Variants in ARHGAP10 observed in about 807,000 individuals in gnomAD.
ARHGAP10 encodes the protein rho GTPase-activating protein 10.
Under a neutral mutation model 108.6 loss-of-function variants are expected in ARHGAP10, and 87 were observed. That is an observed-to-expected ratio of 0.80 (90% CI 0.67 to 0.96). ARHGAP10 has a LOEUF of 0.96. Ranked by LOEUF, ARHGAP10 falls within the 40% of genes least tolerant of loss-of-function variation. The pLI is 0.00. For missense variants in ARHGAP10, 939 were observed against 954.5 expected, an observed-to-expected ratio of 0.98 and a Z score of 0.21; for synonymous variants, 347 against 341.1, an observed-to-expected ratio of 1.02 and a Z score of -0.19.
chr4:147,895,530 A>AC (rs1735960222), intron 10 of ARHGAP10, among the ~76,000 whole-genome samples: 1 of 150,932 alleles, frequency 6.6e-6, no homozygotes, highest in Non-Finnish European at 1.5e-5. Context: ...AAAAAAAAAA[A>AC]AAAAATTAGC....
At chr4:147,841,020 G>A (rs1018036147) in intron 3 of ARHGAP10, among the ~76,000 whole-genome samples, 2 of 152,210 alleles carry the variant, frequency 1.3e-5, no homozygotes, top group African/African-American at 4.8e-5. Flanking sequence ...GTCAAGTTTC[G>A]TTGGAACACA....
At chr4:147,762,829 C>A (rs552491415) in intron 1 of ARHGAP10, among the ~76,000 whole-genome samples, 1 of 152,016 alleles carries the variant, frequency 6.6e-6, no homozygotes, top group East Asian at 1.9e-4. Context: ...CACACCTGGC[C>A]GCTTTTTTAT....
At chr4:147,899,174 A>G (rs1343833450) in intron 10 of ARHGAP10, among the ~76,000 whole-genome samples, 7 of 152,112 alleles carry the variant, frequency 4.6e-5, no homozygotes, top group Admixed American at 2.6e-4. Flanking sequence ...CTCTGTGTCT[A>G]GGTCTCCTAG....
chr4:147,866,914 A>G, intron 7 of ARHGAP10, 98 bp downstream of exon 7: 2 of 1,052,762 alleles, frequency 1.9e-6, no homozygotes, highest in African/African-American at 3.2e-5. Context: ...GACAATGCTG[A>G]TCTGTTTGTA....
At chr4:147,847,263 C>T in intron 4 of ARHGAP10, 41 bp downstream of exon 4, 1 of 1,510,556 alleles carries the variant, frequency 6.6e-7, no homozygotes, top group Non-Finnish European at 9.2e-7. Context: ...ACATAGATGC[C>T]TCTGCTGCTT....
At chr4:147,739,200 AAAAG>A (rs1728552330) in intron 1 of ARHGAP10, among the ~76,000 whole-genome samples, 2 of 151,940 alleles carry the variant, frequency 1.3e-5, no homozygotes, top group African/African-American at 2.4e-5. Flanking sequence ...AAAAAAAAAA[AAAAG>A]AAAAGAAAAT....
At chr4:147,818,266 A>G (rs1352904178) in intron 1 of ARHGAP10, among the ~76,000 whole-genome samples, 3 of 151,964 alleles carry the variant, frequency 2.0e-5, no homozygotes, top group Admixed American at 1.3e-4. Flanking sequence ...CAGGCGCTCA[A>G]TAAAGGTTAG....
rs372632189 is a variant in ARHGAP10 at position 148,004,608 on chromosome 4, C to T, written c.1717-18655C>T. 3.2e-4 allele frequency among the ~76,000 whole-genome samples: 49 copies of T among 152,150 alleles called. No individual in the cohort carries two copies. The South Asian group carries it at 8.3e-3, about 26-fold the overall frequency. ...TGGAGAGGGCCACGTGGCAGGAAACCGCAGGCATCCTCTAGGAGCTGAGGC... is the reference window on the plus strand; with the variant it reads ...TGGAGAGGGCCACGTGGCAGGAAACTGCAGGCATCCTCTAGGAGCTGAGGC... On this transcript the variant is annotated intron_variant, in intron 18 of 22. Transcript: ENST00000336498.
intron 1 of ARHGAP10, among the ~76,000 whole-genome samples, chr4:147,771,741 G>A (rs926519959): frequency 6.6e-6 from 1 of 152,138 alleles, no homozygotes; most frequent in Admixed American, 6.5e-5. Flanking sequence ...GTATGTAGGT[G>A]CCCCTTTTCA....
intron 1 of ARHGAP10, among the ~76,000 whole-genome samples, chr4:147,780,957 G>A (rs553256738): frequency 3.3e-5 from 5 of 152,118 alleles, no homozygotes; most frequent in Non-Finnish European, 5.9e-5. Flanking sequence ...GAGAATGAGA[G>A]AAGACGCTCC....
Position 147,857,568 on chromosome 4 carries a change from T to C in ARHGAP10, c.400T>C (p.Phe134Leu). ...TTATTTGTAGGAAGAAAAAAAGAAG[T>C]TTGACAAAGAGACAGAAAAGAATTA... ...LGAVKEEKKKFDKETEKNYSL... is the reference protein window; with the variant it reads ...LGAVKEEKKKLDKETEKNYSL... Residue 134 changes from phenylalanine to leucine, a missense_variant, in exon 5 of 23, where the codon TTT becomes CTT. By Grantham distance (22) the Phe-to-Leu change is conservative. Coordinates refer to ENST00000336498, the MANE Select transcript of ARHGAP10 (RefSeq NM_024605.4). The C allele has an allele frequency of 2.7e-6, 4 of 1,484,052 alleles. No individual in the cohort carries two copies. The highest frequency in any genetic ancestry group is 3.6e-6 in the Non-Finnish European group (4 of 1,119,486). 91.9% of individuals were successfully genotyped at this position (1,484,052 alleles called of 1,614,324 possible). A position where few individuals can be genotyped will look rare whatever the true frequency, so the allele number is the denominator to read the frequency against.
chr4:148,019,939 A>G (rs1578797179), intron 18 of ARHGAP10, among the ~76,000 whole-genome samples: 1 of 152,160 alleles, frequency 6.6e-6, no homozygotes, highest in African/African-American at 2.4e-5. Context: ...GTATCCCTTA[A>G]TGGAAATGCT....
intron 18 of ARHGAP10, among the ~76,000 whole-genome samples, chr4:147,977,644 A>G (rs1739645327): frequency 6.6e-6 from 1 of 151,994 alleles, no homozygotes; most frequent in South Asian, 2.1e-4. Context: ...GCTCCACTCA[A>G]TTGTGTGACT....
Position 147,877,858 on chromosome 4 carries a change from C to T in ARHGAP10, c.833-1374C>T, listed in dbSNP as rs563643983. 1.8e-4 allele frequency among the ~76,000 whole-genome samples: 27 copies of T among 147,410 alleles called. No individual in the cohort carries two copies. In the South Asian group the frequency reaches 5.7e-3, roughly 31 times the overall value. ...TTGCTGAGATTACAGGCATGAGCCA[C>T]GAGGCCCAGCCATTCTCTTGGTTCT... On this transcript the variant is annotated intron_variant, in intron 8 of 22. Coordinates refer to ENST00000336498, the MANE Select transcript of ARHGAP10 (RefSeq NM_024605.4).
At position 148,032,238 on chromosome 4, in the gene ARHGAP10, G is replaced by C. The variant is rs541244816; in HGVS notation, c.1867+8825G>C. Among the ~76,000 whole-genome samples the C allele has an allele frequency of 3.4e-5, 5 of 148,810 alleles. No homozygotes were observed. The Admixed American group carries it at 3.5e-4, about 10-fold the overall frequency. ...ACTCAGTGCCTGCGTCTGCAAGCCA[G>C]ATCTGTAGCCATTGATGTTCATGGG... On this transcript the variant is annotated intron_variant, in intron 19 of 22. Coordinates refer to ENST00000336498, the MANE Select transcript of ARHGAP10 (RefSeq NM_024605.4).
chr4:147,963,312 C>T (rs1255801037), intron 16 of ARHGAP10, among the ~76,000 whole-genome samples: 3 of 152,262 alleles, frequency 2.0e-5, no homozygotes, highest in East Asian at 1.9e-4. Flanking sequence ...AACCCTTCCC[C>T]GTTCTTCAGG....
chr4:148,011,065 A>T (rs1039985636), intron 18 of ARHGAP10, among the ~76,000 whole-genome samples: 1 of 152,238 alleles, frequency 6.6e-6, no homozygotes, highest in Non-Finnish European at 1.5e-5. Flanking sequence ...CTTCACAATT[A>T]GATTCAAGTT....
chr4:147,960,782 T>C (rs541426878), intron 16 of ARHGAP10, among the ~76,000 whole-genome samples: 4 of 152,230 alleles, frequency 2.6e-5, no homozygotes, highest in Non-Finnish European at 5.9e-5. Context: ...CTCCTGACAT[T>C]GTAGGTTGAG....
chr4:147,937,834 C>G (rs949262001), intron 13 of ARHGAP10, among the ~76,000 whole-genome samples: 1 of 152,282 alleles, frequency 6.6e-6, no homozygotes, highest in African/African-American at 2.4e-5. Context: ...ACAAAATTAG[C>G]TGGGTGTGGT....
Sources: allele counts gnomAD v4.1 joint callset (sites outside exome capture counted in the v4.1 genomes callset), GRCh38; gene constraint gnomAD v4.1.1; transcripts MANE v1.5; gene names NCBI Gene and HGNC (gene_info 2026-07-23, HGNC 2026-07-21).